TMTC2: variants seen among roughly 807,000 people sequenced by gnomAD.
TMTC2 encodes the protein protein O-mannosyl-transferase TMTC2.
Under a neutral mutation model 82.4 loss-of-function variants are expected in TMTC2, and 43 were observed. The observed-to-expected ratio is 0.52, with a 90% CI of 0.41 to 0.67. The LOEUF (loss-of-function observed/expected upper bound fraction) is 0.67, where lower values mean the gene tolerates loss of function less well. TMTC2 is among the 30% of genes least tolerant of loss of function. The pLI is 0.00. For synonymous variants in TMTC2, 408 were observed against 381.9 expected (o/e 1.07, Z -0.80); for missense variants, 919 against 1,012.4 (o/e 0.91, Z 1.25).
chr12:83,053,510 G>C (rs1469337263), intron 10 of TMTC2, among the ~76,000 whole-genome samples: 2 of 152,008 alleles, frequency 1.3e-5, no homozygotes, highest in African/African-American at 4.8e-5. Flanking sequence ...AATGGGGGGA[G>C]GGGGAGCGGG....
intron 7 of TMTC2, among the ~76,000 whole-genome samples, chr12:82,984,551 C>G (rs1425830127): frequency 6.6e-6 from 1 of 151,980 alleles, no homozygotes; most frequent in Non-Finnish European, 1.5e-5. Flanking sequence ...TACAAAAAGC[C>G]TCTGATTACG....
chr12:83,100,882 G>T (rs1239811631), intron 11 of TMTC2, among the ~76,000 whole-genome samples: 1 of 152,158 alleles, frequency 6.6e-6, no homozygotes, highest in Non-Finnish European at 1.5e-5. Context: ...GCTTCTTTCA[G>T]AAAGTAAGCA....
intron 1 of TMTC2, among the ~76,000 whole-genome samples, chr12:82,708,024 T>C (rs1333522316): frequency 6.6e-6 from 1 of 152,204 alleles, no homozygotes; most frequent in African/African-American, 2.4e-5. Flanking sequence ...GGTGAGCATC[T>C]TGTGGGGCAA....
intron 2 of TMTC2, among the ~76,000 whole-genome samples, chr12:82,865,030 T>G: frequency 7.4e-6 from 1 of 135,842 alleles, no homozygotes; most frequent in African/African-American, 2.9e-5. Context: ...CTGTCCAACA[T>G]GGTGAAATCC....
rs558002747 is a variant in TMTC2, at chr12:82,965,711, A to G, written c.1836A>G (p.Leu612=). The change falls in exon 6 of 12, where the codon CTA becomes CTG. Residue 612 remains leucine (L), a synonymous_variant. Transcript: ENST00000321196. ...KSSVTSCLYN[L]GKLYHEQGHY... is the part of the protein sequence containing the mutation. ...CTGTTACCAGTTGTTTGTACAACCT[A>G]GGAAAGCTGTATCATGAGCAGGGAC... 5 of 1,613,850 alleles carry G rather than the reference A, an allele frequency of 3.1e-6. No homozygotes were observed. The highest frequency in any genetic ancestry group is 4.5e-5 in the East Asian group (2 of 44,866).
At chr12:82,894,062 C>T (rs1873532651) in intron 2 of TMTC2, among the ~76,000 whole-genome samples, 3 of 152,122 alleles carry the variant, frequency 2.0e-5, no homozygotes, top group Non-Finnish European at 2.9e-5. Context: ...AAACTGGTTA[C>T]GTACTGTTAC....
chr12:82,910,941 T>C (rs530679485), intron 3 of TMTC2, among the ~76,000 whole-genome samples: 2 of 151,408 alleles, frequency 1.3e-5, no homozygotes, highest in African/African-American at 2.4e-5. Flanking sequence ...AGTGCAGTGG[T>C]GTGATCTTGG....
At chr12:82,783,053 T>A (rs1877986080) in intron 1 of TMTC2, among the ~76,000 whole-genome samples, 1 of 152,062 alleles carries the variant, frequency 6.6e-6, no homozygotes, top group Non-Finnish European at 1.5e-5. Context: ...ACATTAGAAT[T>A]TTTGATTAGA....
chr12:82,901,618 C>A (rs571920397), intron 3 of TMTC2, among the ~76,000 whole-genome samples: 50 of 152,154 alleles, frequency 3.3e-4, no homozygotes, highest in Middle Eastern at 3.4e-3. Flanking sequence ...CTCACCTCAC[C>A]TCCCAGCTTG....
At chr12:82,842,619 C>T (rs1256809116) in intron 1 of TMTC2, among the ~76,000 whole-genome samples, 7 of 152,066 alleles carry the variant, frequency 4.6e-5, no homozygotes, top group South Asian at 2.1e-4. Flanking sequence ...CTAGGGCTGC[C>T]GTAACAGACC....
At chr12:83,090,163 C>T (rs1208348127) in intron 11 of TMTC2, among the ~76,000 whole-genome samples, 1 of 152,138 alleles carries the variant, frequency 6.6e-6, no homozygotes, top group East Asian at 1.9e-4. Flanking sequence ...ATCTAATTTT[C>T]AGAAGCTTTA....
intron 2 of TMTC2, among the ~76,000 whole-genome samples, chr12:82,892,910 T>C (rs1236245522): frequency 6.6e-6 from 1 of 152,230 alleles, no homozygotes; most frequent in African/African-American, 2.4e-5. Flanking sequence ...ATTGATCCGA[T>C]CATGTTATTA....
rs775727747 is a variant in TMTC2, at chr12:82,896,351, G to T, written c.1188G>T (p.Leu396=). ...CTTCTACGGAGAACATTGTTGTTCT[G>T]TCTTTATCTTTGTTAATCATACCCT... ...QLPSTENIVV[L]SLSLLIIPFV... Residue 396 remains leucine, a synonymous_variant, in exon 3 of 12, where the codon CTG becomes CTT. Transcript: ENST00000321196. 6.2e-7 allele frequency: 1 copy of T among 1,614,118 alleles called. No individual in the cohort carries two copies. The highest frequency in any genetic ancestry group is 8.5e-7 in the Non-Finnish European group (1 of 1,180,026).
chr12:82,694,509 A>C (rs1872706568), intron 1 of TMTC2, among the ~76,000 whole-genome samples: 1 of 152,196 alleles, frequency 6.6e-6, no homozygotes, highest in African/African-American at 2.4e-5. Flanking sequence ...TGATGATTCG[A>C]TAAAGCTTTT....
intron 4 of TMTC2, among the ~76,000 whole-genome samples, chr12:82,936,846 T>G (rs1236845133): frequency 1.3e-5 from 2 of 152,178 alleles, no homozygotes; most frequent in African/African-American, 2.4e-5. Flanking sequence ...TTCTTATTCA[T>G]TATTGTATCC....
chr12:82,735,792 C>T (rs569382488), intron 1 of TMTC2, among the ~76,000 whole-genome samples: 1 of 151,716 alleles, frequency 6.6e-6, no homozygotes, highest in Admixed American at 6.6e-5. Context: ...TAGTGAAACC[C>T]CGTCTCTATT....
intron 4 of TMTC2, among the ~76,000 whole-genome samples, chr12:82,950,514 CT>C (rs1384059213): frequency 3.3e-5 from 5 of 152,172 alleles, no homozygotes; most frequent in African/African-American, 9.6e-5. Flanking sequence ...CTTAACCATT[CT>C]GATCTTTGAA....
intron 3 of TMTC2, among the ~76,000 whole-genome samples, chr12:82,915,094 G>A (rs1874928659): frequency 6.6e-6 from 1 of 151,978 alleles, no homozygotes; most frequent in African/African-American, 2.4e-5. Flanking sequence ...CAAAGTGCTG[G>A]GATTACAGGC....
intron 1 of TMTC2, among the ~76,000 whole-genome samples, chr12:82,799,387 G>A (rs1270362439): frequency 1.3e-5 from 2 of 152,140 alleles, no homozygotes; most frequent in South Asian, 2.1e-4. Context: ...TAGGGATTAC[G>A]TGGAAAGGTA....
Sources: allele counts gnomAD v4.1 joint callset (sites outside exome capture counted in the v4.1 genomes callset), GRCh38; gene constraint gnomAD v4.1.1; transcripts MANE v1.5; gene names NCBI Gene and HGNC (gene_info 2026-07-23, HGNC 2026-07-21).